Variants in SUDS3 observed in about 807,000 individuals in gnomAD.
SUDS3 encodes SIN3A corepressor complex component SDS3, also known as sin3 histone deacetylase corepressor complex component SDS3.
In SUDS3, 23 loss-of-function variants were observed where a neutral mutation model predicts 53.5. The observed-to-expected ratio is 0.43, with a 90% CI of 0.31 to 0.61. The LOEUF is 0.61. SUDS3 is among the 20% of genes least tolerant of loss of function. SUDS3 has a pLI of 0.10. For missense variants in SUDS3, 291 were observed against 405.9 expected (o/e 0.72, Z 2.43); for synonymous variants, 150 against 148.5 (o/e 1.01, Z -0.08).
At chr12:118,378,037 C>T (rs745661138) in intron 1 of SUDS3, among the ~76,000 whole-genome samples, 2 of 152,182 alleles carry the variant, frequency 1.3e-5, no homozygotes, top group Non-Finnish European at 2.9e-5. Context: ...ACGGCTTAAC[C>T]AGAGATTTTG....
At chr12:118,385,545 G>A (rs2046107516) in intron 3 of SUDS3, among the ~76,000 whole-genome samples, 1 of 152,174 alleles carries the variant, frequency 6.6e-6, no homozygotes, top group African/African-American at 2.4e-5. Context: ...TGTTTTGTGG[G>A]AAGAGCAATG....
Position 118,414,686 on chromosome 12 carries a change from G to A in SUDS3, c.*253G>A, listed in dbSNP as rs1213533515. 3 of 362,772 alleles carry A rather than the reference G, an allele frequency of 8.3e-6. No homozygotes were observed. Among genetic ancestry groups the A allele is most frequent in the Non-Finnish European group, 1.5e-5 (3 of 204,356 alleles). 22.5% of individuals were successfully genotyped at this position (362,772 alleles called of 1,614,324 possible). ...TGTTTTACTTTCAGGCGTATTGGGG[G>A]GTTTGATTTACTTTCCTTTTATTTC... On this transcript the variant is annotated 3_prime_UTR_variant, in exon 12 of 12. Coordinates refer to ENST00000543473, the MANE Select transcript of SUDS3 (RefSeq NM_022491.3).
chr12:118,385,270 G>A (rs1343589629), intron 3 of SUDS3, among the ~76,000 whole-genome samples: 1 of 152,056 alleles, frequency 6.6e-6, no homozygotes, highest in African/African-American at 2.4e-5. Flanking sequence ...CACCAGGCCC[G>A]GCTAATTTTT....
At chr12:118,398,628 T>C (rs926428937) in intron 6 of SUDS3, among the ~76,000 whole-genome samples, 2 of 150,694 alleles carry the variant, frequency 1.3e-5, no homozygotes, top group Admixed American at 1.3e-4. Context: ...TTTTTTTTTT[T>C]TTTTTCAAAT....
chr12:118,383,915 C>T (rs1196936826), intron 2 of SUDS3, 97 bp from the exon 3 acceptor site: 3 of 1,117,350 alleles, frequency 2.7e-6, no homozygotes, highest in East Asian at 2.5e-5. Context: ...CATTAATGAC[C>T]TTCCCATAAC....
chr12:118,377,498 C>G (rs1037752390), intron 1 of SUDS3, among the ~76,000 whole-genome samples: 1 of 151,998 alleles, frequency 6.6e-6, no homozygotes, highest in Non-Finnish European at 1.5e-5. Flanking sequence ...TGTAAATACT[C>G]CGTAAATGTT....
chr12:118,408,147 C>T (rs2046324496), intron 10 of SUDS3, among the ~76,000 whole-genome samples: 1 of 152,216 alleles, frequency 6.6e-6, no homozygotes, highest in African/African-American at 2.4e-5. Flanking sequence ...GATATACCCG[C>T]CTCGGCCTCC....
Position 118,414,554 on chromosome 12 carries a change from T to C in SUDS3, c.*121T>C, listed in dbSNP as rs1183742369. The C allele has an allele frequency of 8.9e-6, 7 of 784,258 alleles. No individual in the cohort carries two copies. The highest frequency in any genetic ancestry group is 1.8e-5 in the African/African-American group (1 of 56,694). The allele number at this position is 784,258 out of a possible 1,614,324, so 48.6% of individuals were successfully genotyped here. A position where few individuals can be genotyped will look rare whatever the true frequency, so the allele number is the denominator to read the frequency against. ...GGGAATAGCTACTCAGCCTTGGAAA[T>C]GGAGAGCACTGCAGTGAATTCTTTA... On this transcript the variant is annotated 3_prime_UTR_variant, in exon 12 of 12. Coordinates refer to ENST00000543473, the MANE Select transcript of SUDS3 (RefSeq NM_022491.3).
chr12:118,410,755 C>G (rs1416043658), intron 10 of SUDS3, among the ~76,000 whole-genome samples: 1 of 151,984 alleles, frequency 6.6e-6, no homozygotes, highest in Non-Finnish European at 1.5e-5. Context: ...TGCCACCATG[C>G]CCGGCTACTT....
At chr12:118,379,023 G>A (rs1328180807) in intron 1 of SUDS3, among the ~76,000 whole-genome samples, 1 of 151,814 alleles carries the variant, frequency 6.6e-6, no homozygotes, top group African/African-American at 2.4e-5. Context: ...CGTTGGCCAG[G>A]CTGGTCTGGA....
In SUDS3 at chr12:118,383,151, C is replaced by T. The variant is rs141082544; in HGVS notation, c.213-861C>T. On this transcript the variant is annotated intron_variant, in intron 2 of 11. Coordinates refer to ENST00000543473, the MANE Select transcript of SUDS3 (RefSeq NM_022491.3). ...GTTGTATTTGCAGCCCTTATTTGAG[C>T]GCTAAAAAGGTTATCACGCCCATGT... Among the ~76,000 whole-genome samples, 97 of 152,308 alleles carry T rather than the reference C, an allele frequency of 6.4e-4. 1 individual carries two copies. The South Asian group carries it at 8.1e-3, about 13-fold the overall frequency.
chr12:118,395,057 C>T (rs2046201398), intron 6 of SUDS3, among the ~76,000 whole-genome samples: 1 of 151,962 alleles, frequency 6.6e-6, no homozygotes, highest in Non-Finnish European at 1.5e-5. Context: ...CACGCGTATG[C>T]AATAGATGCT....
At position 118,380,253 on chromosome 12, in the gene SUDS3, C is replaced by G. The variant is rs1395130286; in HGVS notation, c.212+22C>G. 2.5e-6 allele frequency: 4 copies of G among 1,571,918 alleles called. No individual in the cohort carries two copies. The African/African-American group carries it at 5.4e-5, about 21-fold the overall frequency. ...AACAGTGAGTATGATATGCCTATGTCTTTTTGGAACATAGAATTGACAACA... is the reference window on the plus strand; with the variant it reads ...AACAGTGAGTATGATATGCCTATGTGTTTTTGGAACATAGAATTGACAACA... On this transcript the variant is annotated intron_variant, in intron 2 of 11. Transcript: ENST00000543473.
At chr12:118,392,525 GTTTT>G (rs982197224) in intron 6 of SUDS3, among the ~76,000 whole-genome samples, 1 of 152,174 alleles carries the variant, frequency 6.6e-6, no homozygotes, top group African/African-American at 2.4e-5. Context: ...GCTCAGAAAT[GTTTT>G]TTTGTGAGAA....
chr12:118,397,137 G>T (rs1239792801), intron 6 of SUDS3, among the ~76,000 whole-genome samples: 1 of 152,134 alleles, frequency 6.6e-6, no homozygotes, highest in Non-Finnish European at 1.5e-5. Context: ...ATCAGAGAGG[G>T]TTTCTAATTT....
intron 4 of SUDS3, among the ~76,000 whole-genome samples, chr12:118,386,619 T>C (rs568084077): frequency 2.4e-4 from 36 of 152,288 alleles, no homozygotes; most frequent in African/African-American, 8.4e-4. Flanking sequence ...GTATTGTTTT[T>C]ATAAGAATTT....
rs560423526 is a variant in SUDS3 at position 118,401,242 on chromosome 12, C to T, written c.613+488C>T. Among the ~76,000 whole-genome samples, 23 of 152,228 alleles carry T rather than the reference C, an allele frequency of 1.5e-4. No individual in the cohort carries two copies. In the East Asian group the frequency reaches 1.7e-3, roughly 11 times the overall value. ...AGCCCTTTAATCATAAAAATGGTAA[C>T]GGAAACAGGAAAGATGGAGAAGCGT... On this transcript the variant is annotated intron_variant, in intron 7 of 11. Coordinates refer to ENST00000543473, the MANE Select transcript of SUDS3 (RefSeq NM_022491.3).
chr12:118,401,273 C>T (rs2046260425), intron 7 of SUDS3, among the ~76,000 whole-genome samples: 1 of 152,206 alleles, frequency 6.6e-6, no homozygotes, highest in South Asian at 2.1e-4. Flanking sequence ...AGCGTTGTTT[C>T]TGTTCCTTTC....
At chr12:118,378,287 TTTA>T (rs1230845239) in intron 1 of SUDS3, among the ~76,000 whole-genome samples, 2 of 152,308 alleles carry the variant, frequency 1.3e-5, no homozygotes, top group Admixed American at 6.5e-5. Context: ...ATTCCCCTTT[TTTA>T]TTGTATACAG....
Sources: allele counts gnomAD v4.1 joint callset (sites outside exome capture counted in the v4.1 genomes callset), GRCh38; gene constraint gnomAD v4.1.1; transcripts MANE v1.5; gene names NCBI Gene and HGNC (gene_info 2026-07-23, HGNC 2026-07-21).